PPP2CA: variants seen among roughly 807,000 people sequenced by gnomAD.
PPP2CA encodes the protein serine/threonine-protein phosphatase 2A catalytic subunit alpha isoform.
PPP2CA carries 5 observed loss-of-function variants against 38.8 expected under a neutral mutation model. That is an observed-to-expected ratio of 0.13 (90% CI 0.07 to 0.27). The LOEUF (loss-of-function observed/expected upper bound fraction) is 0.27, where lower values mean the gene tolerates loss of function less well. Ranked by LOEUF, PPP2CA falls within the 10% of genes least tolerant of loss-of-function variation. PPP2CA has a pLI of 1.00. For synonymous variants in PPP2CA, 152 were observed against 134.0 expected (o/e 1.13, Z -0.93); for missense variants, 88 against 389.7 (o/e 0.23, Z 6.52).
chr5:134,225,902 C>A lies in PPP2CA; in HGVS notation c.-41G>T. ...AGCCGGCTGCCGCTCCGCGCTGCTCCCGCGCCGCCGCCCGCACACGGGCCT... is the reference window on the plus strand; with the variant it reads ...AGCCGGCTGCCGCTCCGCGCTGCTCACGCGCCGCCGCCCGCACACGGGCCT... On this transcript the variant is annotated 5_prime_UTR_variant, in exon 1 of 7. Coordinates refer to ENST00000481195, the MANE Select transcript of PPP2CA (RefSeq NM_002715.4). 6.3e-7 allele frequency: 1 copy of A among 1,576,324 alleles called. No homozygotes were observed. The highest frequency in any genetic ancestry group is 8.6e-7 in the Non-Finnish European group (1 of 1,159,456).
At chr5:134,203,605 T>C (rs1019213730) in intron 2 of PPP2CA, 1 of 152,226 alleles carries the variant, frequency 6.6e-6, no homozygotes, top group Non-Finnish European at 1.5e-5. Context: ...GGTCCAACCA[T>C]GTGACCCCAC....
chr5:134,203,965 G>A (rs1762023110), intron 2 of PPP2CA, among the ~76,000 whole-genome samples: 1 of 152,188 alleles, frequency 6.6e-6, no homozygotes, highest in Non-Finnish European at 1.5e-5. Context: ...ATTCCTCTGA[G>A]CACTGGGATT....
chr5:134,216,688 A>G (rs1287799128), intron 1 of PPP2CA, among the ~76,000 whole-genome samples: 2 of 152,170 alleles, frequency 1.3e-5, no homozygotes, highest in East Asian at 1.9e-4. Flanking sequence ...TGTTTTGTAG[A>G]AACGGTGGTC....
chr5:134,202,589 T>C (rs1451240996), intron 2 of PPP2CA: 1 of 152,354 alleles, frequency 6.6e-6, no homozygotes, highest in Non-Finnish European at 1.5e-5. Flanking sequence ...AGTCCTTCAC[T>C]GTATGGCTAT....
Position 134,225,562 on chromosome 5 carries a change from G to A in PPP2CA, c.102+198C>T, listed in dbSNP as rs962095232. 5 of 496,680 alleles carry A rather than the reference G, an allele frequency of 1.0e-5. No homozygotes were observed. The Admixed American group carries it at 1.2e-4, about 12-fold the overall frequency. The allele number at this position is 496,680 out of a possible 1,614,324, so 30.8% of individuals were successfully genotyped here. On this transcript the variant is annotated intron_variant, in intron 1 of 6. Transcript: ENST00000481195. ...AGTGAACGGCGCCATTTTAGGCGGCGGCGGCAACCAATCCCTGCGCGGGAG... is the reference window on the plus strand; with the variant it reads ...AGTGAACGGCGCCATTTTAGGCGGCAGCGGCAACCAATCCCTGCGCGGGAG...
intron 2 of PPP2CA, among the ~76,000 whole-genome samples, chr5:134,205,387 C>T (rs997736706): frequency 4.8e-4 from 38 of 79,384 alleles, no homozygotes; most frequent in Non-Finnish European, 4.5e-4. Flanking sequence ...TTTTTCTTTT[C>T]CTTTTTTTTT....
rs567464592 is a variant in PPP2CA, at chr5:134,203,074, T to G, written c.313-1053A>C. 1.2e-3 allele frequency among the ~76,000 whole-genome samples: 190 copies of G among 152,338 alleles called. 1 individual carries two copies. Among genetic ancestry groups the G allele is most frequent in the Middle Eastern group, 6.8e-3 (2 of 292 alleles). On this transcript the variant is annotated intron_variant, in intron 2 of 6. Transcript: ENST00000481195. The stretch of plus-strand genomic sequence containing the variant: ...TTTGCCCATTTTACAATTATCTGTC[T>G]TGTTATTGAGCTGTAAAAGTTTTTT...
At chr5:134,225,377 C>T in intron 1 of PPP2CA, 1 of 202,594 alleles carries the variant, frequency 4.9e-6, no homozygotes, top group Non-Finnish European at 1.0e-5. Flanking sequence ...CGGCAAGACT[C>T]TTACTCAGCC....
chr5:134,197,862 T>C lies in PPP2CA; in HGVS notation c.858-18A>G. 1.2e-6 allele frequency: 2 copies of C among 1,611,532 alleles called. No individual in the cohort carries two copies. The highest frequency in any genetic ancestry group is 1.1e-5 in the South Asian group (1 of 90,956). On this transcript the variant is annotated intron_variant, in intron 6 of 6. Coordinates refer to ENST00000481195, the MANE Select transcript of PPP2CA (RefSeq NM_002715.4). ...ACTGCAAGCTGAAAAACAAGACCGA[T>C]TCATGGTTTATGTTCCACGACCTCC...
chr5:134,197,956 G>A (rs967037670), intron 6 of PPP2CA, 112 bp from the exon 7 acceptor site: 34 of 870,484 alleles, frequency 3.9e-5, no homozygotes, highest in Middle Eastern at 4.3e-4. Flanking sequence ...ATTTTGGCTT[G>A]TCTTAATGTA....
At chr5:134,202,173 C>T (rs1407016746) in intron 2 of PPP2CA, 152 bp from the exon 3 acceptor site, 6 of 725,850 alleles carry the variant, frequency 8.3e-6, no homozygotes, top group Non-Finnish European at 1.1e-5. Flanking sequence ...CACAGCTCTA[C>T]AGAATTTTTA....
At chr5:134,221,921 T>C (rs911079094) in intron 1 of PPP2CA, among the ~76,000 whole-genome samples, 2 of 150,256 alleles carry the variant, frequency 1.3e-5, no homozygotes, top group African/African-American at 4.9e-5. Flanking sequence ...TGAGCCGAGA[T>C]TGCGCCACTG....
intron 1 of PPP2CA, among the ~76,000 whole-genome samples, chr5:134,213,126 G>C (rs1762241328): frequency 6.6e-6 from 1 of 152,188 alleles, no homozygotes; most frequent in African/African-American, 2.4e-5. Flanking sequence ...TCTAGTGGAA[G>C]AAGATGCCAC....
At position 134,195,629 on chromosome 5, in the gene PPP2CA, T is replaced by C. The variant is rs963384821; in HGVS notation, c.*2143A>G. ...AGACATCAGTTAACACCCAACTTAGTGATTCCCATCCAACCATAATTATGT... is the reference window on the plus strand; with the variant it reads ...AGACATCAGTTAACACCCAACTTAGCGATTCCCATCCAACCATAATTATGT... On this transcript the variant is annotated 3_prime_UTR_variant, in exon 7 of 7. Coordinates refer to ENST00000481195, the MANE Select transcript of PPP2CA (RefSeq NM_002715.4). 3.9e-5 allele frequency: 6 copies of C among 152,232 alleles called. No homozygotes were observed. Among genetic ancestry groups the C allele is most frequent in the African/African-American group, 1.4e-4 (6 of 41,452 alleles). The allele number at this position is 152,232 out of a possible 1,614,324, so 9.4% of individuals were successfully genotyped here.
intron 1 of PPP2CA, among the ~76,000 whole-genome samples, chr5:134,206,730 A>G (rs950964203): frequency 2.0e-5 from 3 of 152,226 alleles, no homozygotes; most frequent in Non-Finnish European, 4.4e-5. Flanking sequence ...CTGGGATTAC[A>G]TGCATAAGCC....
intron 1 of PPP2CA, among the ~76,000 whole-genome samples, chr5:134,217,417 T>C (rs1205968437): frequency 1.3e-5 from 2 of 152,206 alleles, no homozygotes; most frequent in African/African-American, 4.8e-5. Context: ...GAAGAAACAC[T>C]GGAAAAAATG....
At chr5:134,205,896 A>G (rs778674967) in intron 2 of PPP2CA, 26 bp downstream of exon 2, 10 of 1,589,270 alleles carry the variant, frequency 6.3e-6, no homozygotes, top group Non-Finnish European at 8.6e-6. Context: ...CCATTTCAAC[A>G]TGCCCCAACA....
At chr5:134,212,400 T>C (rs953675044) in intron 1 of PPP2CA, among the ~76,000 whole-genome samples, 1 of 152,230 alleles carries the variant, frequency 6.6e-6, no homozygotes, top group Non-Finnish European at 1.5e-5. Flanking sequence ...ACTATTGTAA[T>C]TGCTGTGGGG....
At chr5:134,224,301 C>T in intron 1 of PPP2CA, 1 of 455,916 alleles carries the variant, frequency 2.2e-6, no homozygotes, top group Non-Finnish European at 4.4e-6. Flanking sequence ...TTCAATACAT[C>T]GCTACCATTA....
Sources: allele counts gnomAD v4.1 joint callset (sites outside exome capture counted in the v4.1 genomes callset), GRCh38; gene constraint gnomAD v4.1.1; transcripts MANE v1.5; gene names NCBI Gene and HGNC (gene_info 2026-07-23, HGNC 2026-07-21).